The following MACROD2 variants were observed in gnomAD, a reference collection of about 807,000 sequenced individuals.
MACROD2 encodes the protein mono-ADP ribosylhydrolase 2.
Under a neutral mutation model 70.4 loss-of-function variants are expected in MACROD2, and 36 were observed. That is an observed-to-expected ratio of 0.51 (90% CI 0.39 to 0.68). The LOEUF is 0.68. Ranked by LOEUF, MACROD2 falls within the 30% of genes least tolerant of loss-of-function variation. The pLI, the probability that MACROD2 is intolerant of heterozygous loss-of-function variation, is 0.00. For missense variants in MACROD2, 496 were observed against 538.4 expected, an observed-to-expected ratio of 0.92 and a Z score of 0.78; for synonymous variants, 172 against 178.8, an observed-to-expected ratio of 0.96 and a Z score of 0.30.
intron 8 of MACROD2, among the ~76,000 whole-genome samples, chr20:15,533,187 G>T (rs1443411074): frequency 6.6e-6 from 1 of 152,158 alleles, no homozygotes; most frequent in Non-Finnish European, 1.5e-5. Context: ...TTTAAATAAA[G>T]TCAGCATTTC....
chr20:14,078,888 AAATATT>A (rs2148665180), intron 2 of MACROD2, among the ~76,000 whole-genome samples: 1 of 152,326 alleles, frequency 6.6e-6, no homozygotes, highest in African/African-American at 2.4e-5. Flanking sequence ...TTGTATGGGT[AAATATT>A]AATAATAAAA....
At chr20:15,294,330 A>G (rs1038925998) in intron 6 of MACROD2, among the ~76,000 whole-genome samples, 1 of 151,920 alleles carries the variant, frequency 6.6e-6, no homozygotes, top group Non-Finnish European at 1.5e-5. Context: ...CACCATCTTT[A>G]TTGTTTGCCT....
At chr20:14,044,890 G>A (rs1356735279) in intron 2 of MACROD2, among the ~76,000 whole-genome samples, 1 of 152,214 alleles carries the variant, frequency 6.6e-6, no homozygotes, top group African/African-American at 2.4e-5. Flanking sequence ...GTGGCGCTCG[G>A]GGAGGCTCGG....
chr20:15,878,298 A>C (rs996019404), intron 9 of MACROD2, among the ~76,000 whole-genome samples: 1 of 152,144 alleles, frequency 6.6e-6, no homozygotes, highest in Non-Finnish European at 1.5e-5. Flanking sequence ...GAAATATTGG[A>C]CATCTACTCT....
intron 5 of MACROD2, among the ~76,000 whole-genome samples, chr20:15,192,072 C>A (rs1282907865): frequency 6.7e-6 from 1 of 148,592 alleles, no homozygotes; most frequent in African/African-American, 2.5e-5. Flanking sequence ...CTAAAACTCT[C>A]TCTCTCTCCA....
chr20:15,929,678 G>A (rs182341955), intron 10 of MACROD2, among the ~76,000 whole-genome samples: 70 of 152,214 alleles, frequency 4.6e-4, no homozygotes, highest in Middle Eastern at 3.4e-3. Context: ...ACCATGTAGC[G>A]TTCACAAAAG....
intron 5 of MACROD2, among the ~76,000 whole-genome samples, chr20:15,085,634 A>T (rs952035656): frequency 6.6e-6 from 1 of 152,014 alleles, no homozygotes; most frequent in Non-Finnish European, 1.5e-5. Context: ...TGTCTTTAGG[A>T]AGTTAGATAT....
intron 6 of MACROD2, among the ~76,000 whole-genome samples, chr20:15,360,873 C>T (rs2078343812): frequency 6.6e-6 from 1 of 151,504 alleles, no homozygotes; most frequent in Admixed American, 6.6e-5. Flanking sequence ...TGAGATATCT[C>T]TTTATGTCCT....
rs1186146095 is a variant in MACROD2 at position 14,142,313 on chromosome 20, AACTT to A, written c.271+56589_271+56592del. ...GGTGTGCTGTGATTCCACCAGTCTG[AACTT>A]ACTGCAGCTGCTGTGAAGCTGGATG... On this transcript the variant is annotated intron_variant, in intron 3 of 17. Coordinates refer to ENST00000684519, the MANE Select transcript of MACROD2 (RefSeq NM_001351661.2). Among the ~76,000 whole-genome samples the A allele has an allele frequency of 3.3e-5, 5 of 152,204 alleles. No homozygotes were observed. The South Asian group carries it at 8.3e-4, about 25-fold the overall frequency.
intron 5 of MACROD2, among the ~76,000 whole-genome samples, chr20:15,196,185 G>A (rs1335577779): frequency 2.0e-5 from 3 of 151,670 alleles, no homozygotes; most frequent in Non-Finnish European, 4.4e-5. Flanking sequence ...AACCATCATC[G>A]CACATGTTTA....
chr20:15,433,692 A>G (rs1003139857), intron 7 of MACROD2, among the ~76,000 whole-genome samples: 1 of 151,804 alleles, frequency 6.6e-6, no homozygotes, highest in African/African-American at 2.4e-5. Context: ...ACTAGGAAAA[A>G]AAAGCTGAAA....
intron 3 of MACROD2, among the ~76,000 whole-genome samples, chr20:14,300,213 A>C (rs1455757703): frequency 6.6e-6 from 1 of 152,236 alleles, no homozygotes; most frequent in East Asian, 1.9e-4. Flanking sequence ...TGTCTGTTAC[A>C]ACATCGCTAC....
intron 5 of MACROD2, among the ~76,000 whole-genome samples, chr20:14,771,644 T>TACACACAC (rs745602537): frequency 3.1e-3 from 437 of 141,750 alleles, no homozygotes; most frequent in African/African-American, 0.01. Flanking sequence ...TATCCAAAAA[T>TACACACAC]ACACACACAC....
chr20:15,480,177 T>C (rs16995808), intron 7 of MACROD2, among the ~76,000 whole-genome samples: 8,707 of 152,192 alleles, frequency 0.057, 291 homozygotes, highest in African/African-American at 0.097. Flanking sequence ...TTGTGAAACA[T>C]GTGAGATGCA....
In MACROD2 at chr20:14,123,934, T is replaced by G. The variant is rs990933009; in HGVS notation, c.271+38206T>G. ...TTTCCCTAGTGGTATTTAAAATCTC[T>G]CTCTCCTGCCACTAGCATTTTAGTT... On this transcript the variant is annotated intron_variant, in intron 3 of 17. Coordinates refer to ENST00000684519, the MANE Select transcript of MACROD2 (RefSeq NM_001351661.2). 8.5e-4 allele frequency among the ~76,000 whole-genome samples: 129 copies of G among 152,300 alleles called. 1 individual carries two copies. The highest frequency in any genetic ancestry group is 2.4e-3 in the Admixed American group (37 of 15,292).
At chr20:14,875,685 G>A (rs1313985397) in intron 5 of MACROD2, among the ~76,000 whole-genome samples, 1 of 151,766 alleles carries the variant, frequency 6.6e-6, no homozygotes, top group Non-Finnish European at 1.5e-5. Context: ...CCATCTTTAT[G>A]TCCATGTGTG....
intron 3 of MACROD2, among the ~76,000 whole-genome samples, chr20:14,440,250 C>A (rs111950237): frequency 0.036 from 5,454 of 152,208 alleles, 334 homozygotes; most frequent in African/African-American, 0.12. Flanking sequence ...ATATTCAGAA[C>A]AAACTTGTCT....
At chr20:16,033,055 C>T (rs770188406) in intron 15 of MACROD2, among the ~76,000 whole-genome samples, 2 of 152,054 alleles carry the variant, frequency 1.3e-5, no homozygotes, top group Non-Finnish European at 2.9e-5. Flanking sequence ...TTAATTAAAA[C>T]AGCCCATTTC....
intron 5 of MACROD2, among the ~76,000 whole-genome samples, chr20:15,043,166 C>T (rs897903633): frequency 3.9e-5 from 6 of 152,212 alleles, no homozygotes; most frequent in African/African-American, 1.4e-4. Flanking sequence ...CTCCATGTTT[C>T]TATGACCAGG....
Sources: allele counts gnomAD v4.1 joint callset (sites outside exome capture counted in the v4.1 genomes callset), GRCh38; gene constraint gnomAD v4.1.1; transcripts MANE v1.5; gene names NCBI Gene and HGNC (gene_info 2026-07-23, HGNC 2026-07-21).